Variants in VPS13B observed in about 807,000 individuals in gnomAD.
VPS13B encodes the protein intermembrane lipid transfer protein VPS13B.
VPS13B carries 285 observed loss-of-function variants against 426.4 expected under a neutral mutation model. The ratio of observed to expected loss-of-function variants is 0.67; its 90% CI spans 0.61 to 0.74. VPS13B has a LOEUF of 0.74. Ranked by LOEUF, VPS13B falls within the 30% of genes least tolerant of loss-of-function variation. VPS13B has a pLI of 0.00. For missense variants in VPS13B, 4,537 were observed against 4,782.6 expected, an observed-to-expected ratio of 0.95 and a Z score of 1.51; for synonymous variants, 1,676 against 1,676.4, an observed-to-expected ratio of 1.00 and a Z score of 0.01.
chr8:99,824,573 A>AAG lies in VPS13B; in HGVS notation c.9330+595_9330+596insAG, dbSNP rs1254118144. On this transcript the variant is annotated intron_variant, in intron 51 of 61. Coordinates refer to ENST00000357162, the MANE Select transcript of VPS13B (RefSeq NM_152564.5). ...AGAGGAGAGATTTTTTTTTCTCTCC[A>AAG]TTACATCTTAGATGTTTTCCCTTTT... Among the ~76,000 whole-genome samples, 12 of 151,674 alleles carry AAG rather than the reference A, an allele frequency of 7.9e-5. No individual in the cohort carries two copies. The East Asian group carries it at 2.3e-3, about 29-fold the overall frequency.
intron 33 of VPS13B, among the ~76,000 whole-genome samples, chr8:99,628,377 C>A (rs570777990): frequency 1.3e-5 from 2 of 152,212 alleles, no homozygotes; most frequent in South Asian, 4.2e-4. Context: ...AGCCATCTGT[C>A]TGAAATCTGC....
At chr8:99,041,423 C>G (rs77022918) in intron 3 of VPS13B, among the ~76,000 whole-genome samples, 12,640 of 152,272 alleles carry the variant, frequency 0.083, 889 homozygotes, top group African/African-American at 0.19. Context: ...TTATCAGTAA[C>G]TTCCATTTAA....
chr8:99,292,465 G>T (rs956424448), intron 19 of VPS13B, among the ~76,000 whole-genome samples: 1 of 152,046 alleles, frequency 6.6e-6, no homozygotes. Context: ...CATCTACTAG[G>T]TTTTTGGCCC....
At chr8:99,705,669 A>G (rs1258600097) in intron 36 of VPS13B, among the ~76,000 whole-genome samples, 1 of 152,084 alleles carries the variant, frequency 6.6e-6, no homozygotes, top group African/African-American at 2.4e-5. Flanking sequence ...TTTTATTTTG[A>G]GGTATATATT....
In VPS13B at chr8:99,143,140, T is replaced by C. The variant is rs1263452984; in HGVS notation, c.1818T>C (p.Tyr606=). The change falls in exon 13 of 62, where the codon TAT becomes TAC. Residue 606 remains tyrosine, a synonymous_variant. Transcript: ENST00000357162. ...TTGTGTGTGCCTTGGAACATGAATATGAACCATATAGCAGGCTAAAATCAG... is the reference window on the plus strand; with the variant it reads ...TTGTGTGTGCCTTGGAACATGAATACGAACCATATAGCAGGCTAAAATCAG... ...KMIVCALEHE[Y]EPYSRLKSDI... is the part of the protein sequence containing the mutation. 3.7e-6 allele frequency: 6 copies of C among 1,614,050 alleles called. No homozygotes were observed. The highest frequency in any genetic ancestry group is 5.1e-6 in the Non-Finnish European group (6 of 1,179,956).
At chr8:99,464,419 A>G (rs987034436) in intron 23 of VPS13B, among the ~76,000 whole-genome samples, 7 of 152,164 alleles carry the variant, frequency 4.6e-5, no homozygotes, top group African/African-American at 1.7e-4. Flanking sequence ...GAAAAGACTG[A>G]TTATCTTTCC....
At chr8:99,800,869 T>C (rs1216399572) in intron 43 of VPS13B, among the ~76,000 whole-genome samples, 1 of 152,196 alleles carries the variant, frequency 6.6e-6, no homozygotes, top group African/African-American at 2.4e-5. Flanking sequence ...TATAGGTATG[T>C]TGAAACATGG....
intron 33 of VPS13B, among the ~76,000 whole-genome samples, chr8:99,590,298 A>G (rs1361337063): frequency 3.9e-5 from 6 of 151,944 alleles, no homozygotes. Context: ...TTCTGGATTC[A>G]TTGATTTTTT....
At chr8:99,042,097 G>A (rs1842988996) in intron 3 of VPS13B, among the ~76,000 whole-genome samples, 1 of 150,856 alleles carries the variant, frequency 6.6e-6, no homozygotes, top group African/African-American at 2.4e-5. Context: ...CAGAGGCCGC[G>A]CCATTGCACT....
chr8:99,028,725 C>A (rs1366873427), intron 2 of VPS13B, among the ~76,000 whole-genome samples: 4 of 144,208 alleles, frequency 2.8e-5, no homozygotes, highest in African/African-American at 7.7e-5. Flanking sequence ...GGGGCTGACC[C>A]CCCCACCTCC....
intron 6 of VPS13B, among the ~76,000 whole-genome samples, chr8:99,114,400 T>A (rs1847541066): frequency 6.6e-6 from 1 of 152,206 alleles, no homozygotes; most frequent in African/African-American, 2.4e-5. Context: ...CAGTTCAGGT[T>A]CTTTATCCAT....
rs765442907 is a variant in VPS13B at position 99,809,375 on chromosome 8, C to T, written c.7942C>T (p.Leu2648=). ...TGACGATTATTGTTTTTTTCTCCAG[C>T]TGTTACACATCTGTATTGAAGGTTG... is the stretch of plus-strand genomic sequence containing the variant. The part of the protein sequence containing the change: ...YSWRSHKSPQ[L]LHICIEGWGN... The change falls in exon 44 of 62, where the codon CTG becomes TTG. Residue 2648 remains leucine, a splice_region_variant and synonymous_variant. Transcript: ENST00000357162. The T allele has an allele frequency of 2.5e-6, 4 of 1,613,836 alleles. No individual in the cohort carries two copies. Among genetic ancestry groups the T allele is most frequent in the Admixed American group, 1.7e-5 (1 of 59,998 alleles).
intron 30 of VPS13B, among the ~76,000 whole-genome samples, chr8:99,529,896 C>A (rs1183883181): frequency 6.6e-6 from 1 of 152,174 alleles, no homozygotes; most frequent in Non-Finnish European, 1.5e-5. Context: ...CTGACCTTAT[C>A]CTATACTTTA....
At chr8:99,601,896 G>A (rs1053000856) in intron 33 of VPS13B, among the ~76,000 whole-genome samples, 7 of 152,154 alleles carry the variant, frequency 4.6e-5, no homozygotes, top group Admixed American at 1.3e-4. Flanking sequence ...CTAGATATTA[G>A]CACTTTGTCA....
chr8:99,401,075 C>T (rs565242940), intron 21 of VPS13B, among the ~76,000 whole-genome samples: 8 of 152,162 alleles, frequency 5.3e-5, no homozygotes, highest in East Asian at 3.9e-4. Context: ...TAATGGCTGA[C>T]ATAATTGGAA....
intron 25 of VPS13B, among the ~76,000 whole-genome samples, chr8:99,496,390 G>A (rs1162056140): frequency 6.6e-6 from 1 of 152,088 alleles, no homozygotes; most frequent in Admixed American, 6.5e-5. Context: ...GTTGGCTCAC[G>A]CCTGTAATCC....
chr8:99,831,090 T>TTTTTTTTTTTTTTTA (rs1465842000), intron 51 of VPS13B, among the ~76,000 whole-genome samples: 1 of 149,894 alleles, frequency 6.7e-6, no homozygotes, highest in African/African-American at 2.5e-5. Flanking sequence ...TTTTTTTTTT[T>TTTTTTTTTTTTTTTA]GAGATAGAGT....
At chr8:99,268,680 G>A (rs1248093550) in intron 17 of VPS13B, among the ~76,000 whole-genome samples, 1 of 152,162 alleles carries the variant, frequency 6.6e-6, no homozygotes, top group African/African-American at 2.4e-5. Flanking sequence ...GGAGGAACTT[G>A]CTTTGTCTCA....
At chr8:99,513,538 TGAC>T (rs1588452201) in intron 29 of VPS13B, among the ~76,000 whole-genome samples, 1 of 152,150 alleles carries the variant, frequency 6.6e-6, no homozygotes, top group Non-Finnish European at 1.5e-5. Context: ...AAAGAAATGT[TGAC>T]GATTTATAAA....
Sources: gnomAD v4.1 joint callset for allele counts (sites outside exome capture counted in the v4.1 genomes callset) on GRCh38, gnomAD v4.1.1 for gene constraint, MANE v1.5 for transcripts, NCBI Gene and HGNC (gene_info 2026-07-23, HGNC 2026-07-21) for gene names.